WDR62: variants seen among roughly 807,000 people sequenced by gnomAD.
WDR62 encodes the protein WD repeat-containing protein 62.
Under a neutral mutation model 160.6 loss-of-function variants are expected in WDR62, and 112 were observed. That is an observed-to-expected ratio of 0.70 (90% CI 0.60 to 0.82). WDR62 has a LOEUF of 0.82. WDR62 is among the 40% of genes least tolerant of loss of function. WDR62 has a pLI of 0.00. For missense variants in WDR62, 1,819 were observed against 1,983.8 expected, an observed-to-expected ratio of 0.92 and a Z score of 1.58; for synonymous variants, 792 against 815.1, an observed-to-expected ratio of 0.97 and a Z score of 0.48.
chr19:36,055,812 T>TA (rs1368984432), intron 1 of WDR62, among the ~76,000 whole-genome samples: 2 of 152,228 alleles, frequency 1.3e-5, no homozygotes, highest in East Asian at 3.9e-4. Context: ...CAGCGGCAAT[T>TA]AAAAAAATTG....
downstream of WDR62, among the ~76,000 whole-genome samples, chr19:36,109,023 A>G (rs973729405): frequency 6.6e-6 from 1 of 152,146 alleles, no homozygotes; most frequent in African/African-American, 2.4e-5. Context: ...ACCGAGGCCC[A>G]ATGAGAAATG....
At chr19:36,086,621 G>C (rs1481736829) in intron 12 of WDR62, 66 bp from the exon 13 acceptor site, 2 of 1,549,552 alleles carry the variant, frequency 1.3e-6, no homozygotes, top group East Asian at 2.4e-5. Flanking sequence ...TGGTCACACT[G>C]CCCTTCTGGG....
At chr19:36,081,367 A>G in intron 9 of WDR62, 66 bp from the exon 10 acceptor site, 1 of 1,460,144 alleles carries the variant, frequency 6.8e-7, no homozygotes, top group Non-Finnish European at 9.5e-7. Context: ...TTTTCCATGA[A>G]AATGCAACAG....
Position 36,066,291 on chromosome 19 carries a change from T to C in WDR62, c.425T>C (p.Val142Ala). ...GHRPAVRIWD[V>A]EEKNQVAEML... ...AGGCCTGCTGTGCGCATCTGGGATG[T>C]GGAGGAGAAGAATCAGGTGGCGGAG... The change falls in exon 5 of 32, where the codon GTG (valine) becomes GCG (alanine). Residue 142 changes from valine to alanine, a missense_variant. Around this residue, in one of 3 missense-constraint regions of WDR62, gnomAD observed 934 missense variants for 1,157.2 expected, o/e 0.81. Transcript: ENST00000401500. 1 of 1,614,192 alleles carries C rather than the reference T, an allele frequency of 6.2e-7. No homozygotes were observed. Among genetic ancestry groups the C allele is most frequent in the South Asian group, 1.1e-5 (1 of 91,086 alleles).
chr19:36,080,466 A>G (rs1416984529), intron 9 of WDR62, among the ~76,000 whole-genome samples: 3 of 137,842 alleles, frequency 2.2e-5, no homozygotes, highest in African/African-American at 8.3e-5. Flanking sequence ...CGCTCTTGTT[A>G]CCCAGACTGG....
intron 5 of WDR62, 37 bp downstream of exon 5, chr19:36,066,464 G>A: frequency 6.4e-7 from 1 of 1,562,010 alleles, no homozygotes; most frequent in South Asian, 1.2e-5. Flanking sequence ...CAGGCAGCCA[G>A]CTGCCACAGC....
At chr19:36,101,922 G>T in intron 25 of WDR62, 92 bp from the exon 26 acceptor site, 1 of 1,594,028 alleles carries the variant, frequency 6.3e-7, no homozygotes, top group East Asian at 2.2e-5. Flanking sequence ...AACAGGGCAG[G>T]GATGGGTGGG....
chr19:36,099,879 G>A (rs1056023685), intron 22 of WDR62, among the ~76,000 whole-genome samples: 1 of 151,602 alleles, frequency 6.6e-6, no homozygotes. Flanking sequence ...TGGGTAGATC[G>A]AGCCCTGACC....
chr19:36,075,031 CTT>C (rs1453605613), intron 9 of WDR62: 1 of 151,892 alleles, frequency 6.6e-6, no homozygotes, highest in Non-Finnish European at 1.5e-5. Flanking sequence ...CTTCTACCCT[CTT>C]CTCTCTCTTT....
Position 36,090,298 on chromosome 19 carries a change from G to A in WDR62, c.1959-147G>A, listed in dbSNP as rs188838430. ...ATACCCCAGGACAACCTCAGCTTGA[G>A]ATGGGGTTTCAGTTTCAGTCTAGGC... On this transcript the variant is annotated intron_variant, in intron 15 of 31. Transcript: ENST00000401500. 563 of 747,874 alleles carry A rather than the reference G, an allele frequency of 7.5e-4. 3 individuals are homozygous for A. The highest frequency in any genetic ancestry group is 3.5e-3 in the South Asian group (247 of 69,740). 46.3% of individuals were successfully genotyped at this position (747,874 alleles called of 1,614,324 possible).
the WDR62 span, chr19:36,111,065 C>A: frequency 1.2e-6 from 1 of 824,714 alleles, no homozygotes; most frequent in Non-Finnish European, 1.8e-6. Flanking sequence ...ACTCCCAGGG[C>A]CAGCCAGGAA....
At chr19:36,097,742 G>C (rs755793403) in intron 21 of WDR62, among the ~76,000 whole-genome samples, 1 of 152,074 alleles carries the variant, frequency 6.6e-6, no homozygotes, top group Non-Finnish European at 1.5e-5. Flanking sequence ...AAATTAGCCA[G>C]GCATGGTGGT....
Position 36,054,929 on chromosome 19 carries a change from C to G in WDR62, c.-43C>G. On this transcript the variant is annotated 5_prime_UTR_variant, in exon 1 of 32. Transcript: ENST00000401500. ...CAGTGGGTCGTGGCGGTGGCGGCAG[C>G]GGCGGTTAGGGGATGTAACGGTCGC... 1 of 1,551,700 alleles carries G rather than the reference C, an allele frequency of 6.4e-7. No individual in the cohort carries two copies. Among genetic ancestry groups the G allele is most frequent in the Non-Finnish European group, 8.7e-7 (1 of 1,150,216 alleles).
chr19:36,105,314 G>T (rs1973685364), downstream of WDR62, among the ~76,000 whole-genome samples: 1 of 152,150 alleles, frequency 6.6e-6, no homozygotes, highest in Non-Finnish European at 1.5e-5. Context: ...CCAGTGTGAG[G>T]TGCTTACCCA....
chr19:36,073,533 T>TGTGGGGGGGG lies in WDR62; in HGVS notation c.1233+3_1233+4insTGGGGGGGGG. On this transcript the variant is annotated splice_region_variant and intron_variant, in intron 9 of 31. Coordinates refer to ENST00000401500, the MANE Select transcript of WDR62 (RefSeq NM_001083961.2). Reference sequence around the variant, plus strand: ...AGCTCCTACGTTTGGAACGTGGAGGTGAGCCCCCCCCCCACCCCCTTGCCC... The same window carrying TGTGGGGGGGG: ...AGCTCCTACGTTTGGAACGTGGAGGTGTGGGGGGGGGAGCCCCCCCCCCACCCCCTTGCCC... The TGTGGGGGGGG allele has an allele frequency of 1.9e-6, 3 of 1,607,302 alleles. No individual in the cohort carries two copies. Among genetic ancestry groups the TGTGGGGGGGG allele is most frequent in the Non-Finnish European group, 2.5e-6 (3 of 1,176,592 alleles).
Position 36,104,753 on chromosome 19 carries a change from T to C in WDR62, c.4312-15T>C. 6.2e-7 allele frequency: 1 copy of C among 1,613,778 alleles called. No individual in the cohort carries two copies. Among genetic ancestry groups the C allele is most frequent in the Non-Finnish European group, 8.5e-7 (1 of 1,180,018 alleles). ...CGGCCTTGGTGGCCCCTGACAAGGC[T>C]GGCATCCCTTGCAGTTGGTCTCCAG... On this transcript the variant is annotated splice_polypyrimidine_tract_variant and intron_variant, in intron 31 of 31. Coordinates refer to ENST00000401500, the MANE Select transcript of WDR62 (RefSeq NM_001083961.2).
At chr19:36,094,765 G>A (rs560022432) in intron 20 of WDR62, among the ~76,000 whole-genome samples, 3 of 152,074 alleles carry the variant, frequency 2.0e-5, no homozygotes, top group African/African-American at 4.8e-5. Flanking sequence ...CAGGCATAGT[G>A]GCACACATCT....
At position 36,071,570 on chromosome 19, in the gene WDR62, C is replaced by G. The variant is rs376652263; in HGVS notation, c.897C>G (p.Ser299=). The G allele has an allele frequency of 6.2e-7, 1 of 1,614,266 alleles. No individual in the cohort carries two copies. Among genetic ancestry groups the G allele is most frequent in the South Asian group, 1.1e-5 (1 of 91,086 alleles). Residue 299 remains serine, a synonymous_variant, in exon 8 of 32, where the codon TCC becomes TCG. Coordinates refer to ENST00000401500, the MANE Select transcript of WDR62 (RefSeq NM_001083961.2). ...TGCCCCTACAGGTCTCCCTGTCTTC[C>G]TGCCTCTGTGTCAGCCAGGAGCTCA... is the stretch of plus-strand genomic sequence containing the variant. ...KWINLKVSLS[S]CLCVSQELIF... is the part of the protein sequence containing the mutation.
At chr19:36,102,900 C>G (rs767137098) in intron 27 of WDR62, 48 bp from the exon 28 acceptor site, 28 of 1,614,148 alleles carry the variant, frequency 1.7e-5, no homozygotes, top group Non-Finnish European at 2.3e-5. Context: ...CAACAGTGCC[C>G]CAGGGCAGGC....
Sources: allele counts gnomAD v4.1 joint callset (sites outside exome capture counted in the v4.1 genomes callset), GRCh38; gene constraint gnomAD v4.1.1; regional missense constraint gnomAD v4.1.1; transcripts MANE v1.5; gene names NCBI Gene and HGNC (gene_info 2026-07-23, HGNC 2026-07-21).